ACTR3C: variants seen among roughly 807,000 people sequenced by gnomAD.
ACTR3C encodes actin-related protein 3C.
Under a neutral mutation model 26.3 loss-of-function variants are expected in ACTR3C, and 18 were observed. The ratio of observed to expected loss-of-function variants is 0.68; its 90% CI spans 0.47 to 1.01. The LOEUF (loss-of-function observed/expected upper bound fraction) is 1.01. Among genes scored for constraint, ACTR3C ranks in the 50% least tolerant of loss-of-function variants. The pLI is 0.00. For synonymous variants in ACTR3C, 55 were observed against 94.5 expected, an observed-to-expected ratio of 0.58 and a Z score of 2.42; for missense variants, 184 against 250.7, an observed-to-expected ratio of 0.73 and a Z score of 1.80.
At chr7:150,191,116 T>C in the ACTR3C span, among the ~76,000 whole-genome samples, 1 of 152,238 alleles carries the variant, frequency 6.6e-6, no homozygotes, top group African/African-American at 2.4e-5. Flanking sequence ...ACCGTGTTGA[T>C]TGCTGTGGTT....
chr7:150,132,565 T>G, the ACTR3C span, among the ~76,000 whole-genome samples: 1 of 152,122 alleles, frequency 6.6e-6, no homozygotes, highest in East Asian at 1.9e-4. Context: ...TACCGTCTCA[T>G]GCACAATGAG....
the ACTR3C span, among the ~76,000 whole-genome samples, chr7:149,914,466 G>C: frequency 4.6e-5 from 7 of 151,968 alleles, no homozygotes; most frequent in African/African-American, 1.7e-4. Flanking sequence ...GGTGGCACGT[G>C]CCTGCAGTCC....
the ACTR3C span, among the ~76,000 whole-genome samples, chr7:150,235,288 C>T: frequency 2.6e-5 from 4 of 152,202 alleles, no homozygotes; most frequent in South Asian, 2.1e-4. Flanking sequence ...GATTACACAA[C>T]GTTAGGCTTG....
the ACTR3C span, among the ~76,000 whole-genome samples, chr7:149,968,338 G>A: frequency 6.6e-6 from 1 of 152,172 alleles, no homozygotes; most frequent in Non-Finnish European, 1.5e-5. Context: ...GAGGTCAGGA[G>A]ATCCAGACCA....
At chr7:149,957,302 C>T in the ACTR3C span, among the ~76,000 whole-genome samples, 4 of 152,268 alleles carry the variant, frequency 2.6e-5, no homozygotes, top group East Asian at 1.9e-4. Context: ...TGACCCACTG[C>T]GATGGCTAAT....
the ACTR3C span, among the ~76,000 whole-genome samples, chr7:150,025,378 A>G: frequency 6.6e-6 from 1 of 151,884 alleles, no homozygotes; most frequent in Admixed American, 6.6e-5. Flanking sequence ...ATTAGCTACT[A>G]GGGGGATTGT....
At chr7:150,251,971 C>A (rs1344926694) in intron 6 of ACTR3C, among the ~76,000 whole-genome samples, 2 of 152,136 alleles carry the variant, frequency 1.3e-5, no homozygotes, top group African/African-American at 2.4e-5. Flanking sequence ...CCATAGAAAC[C>A]ATAGTCCAGC....
At chr7:150,037,753 C>T in the ACTR3C span, among the ~76,000 whole-genome samples, 1 of 38,294 alleles carries the variant, frequency 2.6e-5, no homozygotes, top group Non-Finnish European at 6.7e-5. Context: ...TCAGTCCCCA[C>T]CCTCGCGGGG....
chr7:149,899,991 T>C, the ACTR3C span, among the ~76,000 whole-genome samples: 1 of 149,042 alleles, frequency 6.7e-6, no homozygotes, highest in African/African-American at 2.5e-5. Flanking sequence ...ACAACATTTT[T>C]GTGCTGAAAG....
At chr7:150,008,299 G>A in the ACTR3C span, among the ~76,000 whole-genome samples, 1 of 152,152 alleles carries the variant, frequency 6.6e-6, no homozygotes, top group Admixed American at 6.5e-5. Context: ...CACTCCATGA[G>A]GTCCTGGCTC....
At chr7:150,017,588 C>T in the ACTR3C span, among the ~76,000 whole-genome samples, 2 of 150,068 alleles carry the variant, frequency 1.3e-5, no homozygotes, top group African/African-American at 2.5e-5. Flanking sequence ...GAAGTCCAGA[C>T]TCTGATTGTC....
At chr7:150,290,450 G>A (rs11977560) in intron 3 of ACTR3C, among the ~76,000 whole-genome samples, 27,865 of 151,860 alleles carry the variant, frequency 0.18, 3,489 homozygotes, top group African/African-American at 0.34. Context: ...GATGCTGACC[G>A]TCAGAGTGGA....
At chr7:150,241,552 T>C (rs2129608437), downstream of ACTR3C, among the ~76,000 whole-genome samples, 1 of 152,278 alleles carries the variant, frequency 6.6e-6, no homozygotes, top group East Asian at 1.9e-4. Flanking sequence ...ATAAAATTTC[T>C]AGAAGAATAA....
At chr7:150,013,445 C>T in the ACTR3C span, among the ~76,000 whole-genome samples, 1 of 152,350 alleles carries the variant, frequency 6.6e-6, no homozygotes, top group South Asian at 2.1e-4. Flanking sequence ...TCCCACACTT[C>T]CTCTCAATAC....
chr7:150,123,582 AAC>A, the ACTR3C span, among the ~76,000 whole-genome samples: 4,071 of 118,826 alleles, frequency 0.034, 70 homozygotes, highest in Middle Eastern at 0.089. Flanking sequence ...AGCAAAGGTC[AAC>A]ACACACACAC....
At chr7:150,318,924 G>A (rs1439369402) in intron 1 of ACTR3C, among the ~76,000 whole-genome samples, 1 of 151,918 alleles carries the variant, frequency 6.6e-6, no homozygotes, top group Non-Finnish European at 1.5e-5. Flanking sequence ...TCATTTTCTG[G>A]GCTTCTTCCA....
chr7:150,033,812 C>T, the ACTR3C span, among the ~76,000 whole-genome samples: 481 of 147,576 alleles, frequency 3.3e-3, no homozygotes, highest in East Asian at 6.7e-3. Flanking sequence ...GGAAGAGGGA[C>T]TGGCTCTCAG....
At chr7:150,313,386 AGTT>A (rs1216134342) in intron 1 of ACTR3C, among the ~76,000 whole-genome samples, 1 of 152,242 alleles carries the variant, frequency 6.6e-6, no homozygotes, top group Admixed American at 6.5e-5. Flanking sequence ...GAAAGGGACA[AGTT>A]ATTATCCAAA....
the ACTR3C span, among the ~76,000 whole-genome samples, chr7:150,044,523 C>T: frequency 2.0e-5 from 3 of 152,202 alleles, no homozygotes; most frequent in African/African-American, 7.2e-5. Flanking sequence ...TGTGGAGCCA[C>T]ACAGTTGGGA....
Sources: allele counts gnomAD v4.1 joint callset (sites outside exome capture counted in the v4.1 genomes callset), GRCh38; gene constraint gnomAD v4.1.1; transcripts MANE v1.5; gene names NCBI Gene and HGNC (gene_info 2026-07-23, HGNC 2026-07-21).